ERBB4: variants seen among roughly 807,000 people sequenced by gnomAD.
The protein encoded by ERBB4 is receptor tyrosine-protein kinase erbB-4.
ERBB4 carries 42 observed loss-of-function variants against 158.0 expected under a neutral mutation model. That is an observed-to-expected ratio of 0.27 (90% CI 0.21 to 0.34). ERBB4 has a LOEUF of 0.34. Ranked by LOEUF, ERBB4 falls within the 10% of genes least tolerant of loss-of-function variation. The pLI, the probability that ERBB4 is intolerant of heterozygous loss-of-function variation, is 1.00. For synonymous variants in ERBB4, 583 were observed against 558.7 expected (o/e 1.04, Z -0.61); for missense variants, 1,333 against 1,624.1 (o/e 0.82, Z 3.08).
chr2:212,111,896 T>C (rs1008825331), intron 2 of ERBB4, among the ~76,000 whole-genome samples: 2 of 152,186 alleles, frequency 1.3e-5, no homozygotes, highest in Non-Finnish European at 2.9e-5. Flanking sequence ...TTTGCACTTA[T>C]TAATTTGGGC....
At chr2:211,676,928 T>C (rs1162477651) in intron 13 of ERBB4, among the ~76,000 whole-genome samples, 1 of 152,166 alleles carries the variant, frequency 6.6e-6, no homozygotes, top group Non-Finnish European at 1.5e-5. Context: ...TATGATTCAA[T>C]GAGACAAGCA....
chr2:211,732,908 C>A (rs1005566743), intron 5 of ERBB4, among the ~76,000 whole-genome samples: 23 of 152,118 alleles, frequency 1.5e-4, no homozygotes, highest in African/African-American at 5.3e-4. Flanking sequence ...ACCCGGGAGG[C>A]GGAGGTTGCA....
chr2:212,243,549 A>G (rs182432195), intron 1 of ERBB4, among the ~76,000 whole-genome samples: 5 of 152,326 alleles, frequency 3.3e-5, no homozygotes, highest in Admixed American at 6.5e-5. Flanking sequence ...TACTACAGTT[A>G]TACTTTATCA....
intron 2 of ERBB4, among the ~76,000 whole-genome samples, chr2:212,121,638 G>A (rs1175211562): frequency 6.6e-6 from 1 of 152,090 alleles, no homozygotes; most frequent in Admixed American, 6.6e-5. Context: ...CACCATCGAC[G>A]TTCTCTACCT....
chr2:212,432,237 A>G (rs962516294), intron 1 of ERBB4, among the ~76,000 whole-genome samples: 3 of 152,222 alleles, frequency 2.0e-5, no homozygotes, highest in African/African-American at 7.2e-5. Flanking sequence ...CTTGTTAATA[A>G]AGATAAACAG....
At chr2:212,298,602 C>T (rs73066391) in intron 1 of ERBB4, among the ~76,000 whole-genome samples, 2,532 of 151,756 alleles carry the variant, frequency 0.017, 76 homozygotes, top group African/African-American at 0.058. Flanking sequence ...ACCTGAGGAA[C>T]TCACTACCTC....
rs2125309992 is a variant in ERBB4 at position 211,383,817 on chromosome 2, T to C, written c.3725A>G (p.Tyr1242Cys). The C allele has an allele frequency of 6.2e-7, 1 of 1,614,124 alleles. No homozygotes were observed. The highest frequency in any genetic ancestry group is 1.7e-5 in the Admixed American group (1 of 60,012). The change falls in exon 28 of 28, where the codon TAC (tyrosine) becomes TGC (cysteine). Residue 1242 changes from tyrosine to cysteine, a missense_variant. By Grantham distance (194) the Tyr-to-Cys change is radical. Transcript: ENST00000342788. ...CCGAGGTGGCAGGCTGTGGTTCCAG[T>C]AGTCAGGGTTGTCAAACGCTTTCTT... ...KAKKAFDNPD[Y>C]WNHSLPPRST...
At chr2:211,874,186 A>AT (rs933161260) in intron 3 of ERBB4, among the ~76,000 whole-genome samples, 50 of 152,008 alleles carry the variant, frequency 3.3e-4, no homozygotes, top group Non-Finnish European at 5.7e-4. Context: ...TGCTGCTCTC[A>AT]TTTTTTTTCT....
chr2:212,199,898 G>A (rs192863754), intron 1 of ERBB4, among the ~76,000 whole-genome samples: 19 of 152,258 alleles, frequency 1.2e-4, no homozygotes, highest in African/African-American at 4.3e-4. Context: ...GGCCAGTGAA[G>A]TATGAAAAGA....
chr2:211,562,993 T>G (rs544112846), intron 19 of ERBB4, among the ~76,000 whole-genome samples: 4 of 152,164 alleles, frequency 2.6e-5, no homozygotes, highest in South Asian at 4.1e-4. Context: ...GGATGGTCTC[T>G]ATCTCCTGAC....
chr2:211,504,702 C>T (rs2065701514), intron 20 of ERBB4, among the ~76,000 whole-genome samples: 2 of 152,050 alleles, frequency 1.3e-5, no homozygotes, highest in Non-Finnish European at 2.9e-5. Context: ...AAAACCAACA[C>T]AAAGAATTCA....
intron 3 of ERBB4, among the ~76,000 whole-genome samples, chr2:211,937,154 T>C (rs535779212): frequency 7.2e-5 from 11 of 152,162 alleles, no homozygotes; most frequent in Non-Finnish European, 1.5e-4. Flanking sequence ...TGTTGGTGCT[T>C]TTACTTTTTC....
chr2:211,418,170 C>T (rs558676024), intron 25 of ERBB4, among the ~76,000 whole-genome samples: 10 of 150,156 alleles, frequency 6.7e-5, no homozygotes, highest in African/African-American at 1.7e-4. Context: ...TCCCTTAGCA[C>T]GTTATTTAGC....
At chr2:212,220,310 A>G (rs1171669233) in intron 1 of ERBB4, among the ~76,000 whole-genome samples, 1 of 151,432 alleles carries the variant, frequency 6.6e-6, no homozygotes, top group African/African-American at 2.4e-5. Context: ...ATGTCACAGG[A>G]GACTGGAAGA....
chr2:211,393,002 CAT>C (rs2062835206), intron 25 of ERBB4, among the ~76,000 whole-genome samples: 1 of 152,048 alleles, frequency 6.6e-6, no homozygotes, highest in Admixed American at 6.6e-5. Context: ...TTTCATCTTT[CAT>C]ATATGTCTCA....
intron 1 of ERBB4, among the ~76,000 whole-genome samples, chr2:212,334,661 C>T (rs2088342119): frequency 6.6e-6 from 1 of 151,954 alleles, no homozygotes; most frequent in South Asian, 2.1e-4. Context: ...ATATCAGTCT[C>T]ATTCAGTGTA....
intron 2 of ERBB4, among the ~76,000 whole-genome samples, chr2:212,028,202 A>T (rs1433284134): frequency 6.6e-6 from 1 of 152,086 alleles, no homozygotes; most frequent in East Asian, 1.9e-4. Flanking sequence ...CAATCATGTG[A>T]CACACCAAAG....
chr2:212,194,268 TTA>T (rs1397568000), intron 1 of ERBB4, among the ~76,000 whole-genome samples: 1 of 140,118 alleles, frequency 7.1e-6, no homozygotes, highest in Admixed American at 7.5e-5. Flanking sequence ...GAGAAATAAT[TTA>T]TATATAGTTT....
At chr2:212,428,747 G>C (rs2091966173) in intron 1 of ERBB4, among the ~76,000 whole-genome samples, 1 of 152,136 alleles carries the variant, frequency 6.6e-6, no homozygotes, top group Admixed American at 6.6e-5. Flanking sequence ...TTAAGCTAGA[G>C]GAAAGGTAGA....
Sources: allele counts gnomAD v4.1 joint callset (sites outside exome capture counted in the v4.1 genomes callset), GRCh38; gene constraint gnomAD v4.1.1; transcripts MANE v1.5; gene names NCBI Gene and HGNC (gene_info 2026-07-23, HGNC 2026-07-21).